RAPH1: variants seen among roughly 807,000 people sequenced by gnomAD.
RAPH1 encodes the protein ras-associated and pleckstrin homology domains-containing protein 1.
A neutral mutation model predicts 88.1 loss-of-function variants in RAPH1; 18 were observed. The observed-to-expected ratio is 0.20, with a 90% CI of 0.14 to 0.30. The LOEUF (loss-of-function observed/expected upper bound fraction) is 0.30. Among genes scored for constraint, RAPH1 ranks in the 10% least tolerant of loss-of-function variants. The probability of loss-of-function intolerance (pLI) is 1.00; values close to 1 mark genes in which losing one functional copy is unlikely to be tolerated. For synonymous variants in RAPH1, 587 were observed against 559.0 expected, an observed-to-expected ratio of 1.05 and a Z score of -0.71; for missense variants, 1,448 against 1,543.2, an observed-to-expected ratio of 0.94 and a Z score of 1.03.
At chr2:203,510,649 T>C (rs1689294921) in intron 1 of RAPH1, among the ~76,000 whole-genome samples, 1 of 152,070 alleles carries the variant, frequency 6.6e-6, no homozygotes, top group South Asian at 2.1e-4. Context: ...GGTAGTTAGA[T>C]ATAAACCAAT....
chr2:203,475,178 C>T (rs747972907), intron 4 of RAPH1, among the ~76,000 whole-genome samples: 13 of 152,096 alleles, frequency 8.5e-5, no homozygotes, highest in African/African-American at 3.1e-4. Flanking sequence ...GAGGCCGAGG[C>T]GGGAGGATCA....
At chr2:203,501,815 G>GAAAA (rs56269110) in intron 1 of RAPH1, among the ~76,000 whole-genome samples, 4 of 106,692 alleles carry the variant, frequency 3.7e-5, no homozygotes, top group African/African-American at 1.5e-4. Context: ...TAAGCATTAT[G>GAAAA]AAAAAAAAAA....
intron 4 of RAPH1, among the ~76,000 whole-genome samples, chr2:203,467,588 G>C (rs2098529597): frequency 6.6e-6 from 1 of 152,094 alleles, no homozygotes; most frequent in East Asian, 1.9e-4. Context: ...GACACAGCAA[G>C]ACTCTGTCTC....
chr2:203,433,987 C>CA lies in RAPH1; in HGVS notation c.*5449dup, dbSNP rs1464615880. 1 of 151,984 alleles carries CA rather than the reference C, an allele frequency of 6.6e-6. No individual in the cohort carries two copies. Among genetic ancestry groups the CA allele is most frequent in the Non-Finnish European group, 1.5e-5 (1 of 67,950 alleles). The allele number at this position is 151,984 out of a possible 1,614,324, so 9.4% of individuals were successfully genotyped here. Reference sequence around the variant, plus strand: ...TGGAAAATAACTTAATCCAGCAGAACAAAAACATCCTCAGAAAAACATCCT... The same window carrying CA: ...TGGAAAATAACTTAATCCAGCAGAACAAAAAACATCCTCAGAAAAACATCCT... On this transcript the variant is annotated 3_prime_UTR_variant, in exon 14 of 14. Transcript: ENST00000319170.
chr2:203,472,600 A>G lies in RAPH1; in HGVS notation c.733-10675T>C, dbSNP rs1443084353. Among the ~76,000 whole-genome samples, 22 of 152,356 alleles carry G rather than the reference A, an allele frequency of 1.4e-4. No homozygotes were observed. In the East Asian group the frequency reaches 4.2e-3, roughly 29 times the overall value. On this transcript the variant is annotated intron_variant, in intron 4 of 13. Coordinates refer to ENST00000319170, the MANE Select transcript of RAPH1 (RefSeq NM_213589.3). Reference sequence around the variant, plus strand: ...CATGTAACATGTATTTCAAGAAATTACTTTCTTGAAAACTTACTGTATTTA... The same window carrying G: ...CATGTAACATGTATTTCAAGAAATTGCTTTCTTGAAAACTTACTGTATTTA...
intron 4 of RAPH1, among the ~76,000 whole-genome samples, chr2:203,471,483 G>C (rs535473294): frequency 9.9e-5 from 15 of 152,164 alleles, no homozygotes; most frequent in African/African-American, 3.4e-4. Flanking sequence ...GTGCTGGCAG[G>C]AGCCTGTAAT....
chr2:203,509,965 G>A (rs1403559440), intron 1 of RAPH1, among the ~76,000 whole-genome samples: 1 of 152,060 alleles, frequency 6.6e-6, no homozygotes, highest in Non-Finnish European at 1.5e-5. Context: ...CAGAAGCAGA[G>A]CAGATGCCAG....
At chr2:203,528,979 CTATA>C (rs71408946) in intron 1 of RAPH1, among the ~76,000 whole-genome samples, 5,085 of 61,016 alleles carry the variant, frequency 0.083, 481 homozygotes, top group South Asian at 0.14. Flanking sequence ...GGTTGTTTTG[CTATA>C]TATATATATA....
intron 4 of RAPH1, among the ~76,000 whole-genome samples, chr2:203,473,206 A>G (rs1418089401): frequency 1.3e-5 from 2 of 152,206 alleles, no homozygotes; most frequent in East Asian, 3.9e-4. Context: ...GGACCACTTG[A>G]GCCCAGGAGC....
chr2:203,492,842 G>A (rs570599835), intron 2 of RAPH1, among the ~76,000 whole-genome samples: 3 of 151,492 alleles, frequency 2.0e-5, no homozygotes, highest in South Asian at 2.1e-4. Flanking sequence ...CTTTTTAAAG[G>A]GGTTGCTGAG....
At chr2:203,468,307 A>G (rs1009862116) in intron 4 of RAPH1, among the ~76,000 whole-genome samples, 3 of 152,122 alleles carry the variant, frequency 2.0e-5, no homozygotes, top group Non-Finnish European at 4.4e-5. Flanking sequence ...CCAAACCCCA[A>G]TCAAGACACT....
intron 4 of RAPH1, chr2:203,470,389 T>C: frequency 1.1e-6 from 1 of 879,932 alleles, no homozygotes; most frequent in Non-Finnish European, 1.8e-6. Flanking sequence ...GTTTAAAACA[T>C]AAAGTAGACA....
chr2:203,441,248 G>A lies in RAPH1; in HGVS notation c.1942C>T (p.Pro648Ser). Residue 648 changes from proline to serine, a missense_variant, in exon 14 of 14, where the codon CCA becomes TCA. Around this residue, in one of 2 missense-constraint regions of RAPH1, gnomAD observed 935 missense variants for 890.1 expected, o/e 1.05. Transcript: ENST00000319170. ...GAAGGTGCAGACTGGCTGGGGAGTG[G>A]GGGAGGAGGGGGTGGTGGAGGGGGT... ...PPPPPPPPPP[P>S]LPSQSAPSAG... 3 of 1,410,850 alleles carry A rather than the reference G, an allele frequency of 2.1e-6. No individual in the cohort carries two copies. Among genetic ancestry groups the A allele is most frequent in the Non-Finnish European group, 2.9e-6 (3 of 1,027,470 alleles). The allele number at this position is 1,410,850 out of a possible 1,614,324, so 87.4% of individuals were successfully genotyped here. A position where few individuals can be genotyped will look rare whatever the true frequency, so the allele number is the denominator to read the frequency against.
intron 7 of RAPH1, among the ~76,000 whole-genome samples, chr2:203,458,254 A>C (rs1053798227): frequency 6.6e-6 from 1 of 152,154 alleles, no homozygotes; most frequent in African/African-American, 2.4e-5. Flanking sequence ...CTGTAGTCCC[A>C]GCTATGCAGG....
At chr2:203,525,461 G>A (rs977704778) in intron 1 of RAPH1, among the ~76,000 whole-genome samples, 1 of 152,094 alleles carries the variant, frequency 6.6e-6, no homozygotes, top group East Asian at 1.9e-4. Context: ...GGGATTACAG[G>A]TGTGAGCCAC....
At chr2:203,483,320 C>T (rs1687812376) in intron 4 of RAPH1, among the ~76,000 whole-genome samples, 1 of 152,086 alleles carries the variant, frequency 6.6e-6, no homozygotes, top group Non-Finnish European at 1.5e-5. Flanking sequence ...GGCTTGGTGG[C>T]AGTGAAGGCG....
At position 203,438,480 on chromosome 2, in the gene RAPH1, G is replaced by A. The variant is rs1046280671; in HGVS notation, c.*957C>T. 5.8e-5 allele frequency: 15 copies of A among 257,792 alleles called. No homozygotes were observed. Among genetic ancestry groups the A allele is most frequent in the African/African-American group, 3.0e-4 (13 of 43,792 alleles). 16.0% of individuals were successfully genotyped at this position (257,792 alleles called of 1,614,324 possible). On this transcript the variant is annotated 3_prime_UTR_variant, in exon 14 of 14. Coordinates refer to ENST00000319170, the MANE Select transcript of RAPH1 (RefSeq NM_213589.3). ...CACCTACCTAAAGCACATATTTTAAGAAGGTAACTGGTGACCCAAAGACAT... is the reference window on the plus strand; with the variant it reads ...CACCTACCTAAAGCACATATTTTAAAAAGGTAACTGGTGACCCAAAGACAT...
rs750783858 is a variant in RAPH1, at chr2:203,488,588, T to TAAAAAAA, written c.732+989_732+995dup. On this transcript the variant is annotated intron_variant, in intron 4 of 13. Transcript: ENST00000319170. Reference sequence around the variant, plus strand: ...GGCGACAGAATGAGACTCCGTCTATTAAAAAAAAAAAAAAAAAAAAAAAAA... The same window carrying TAAAAAAA: ...GGCGACAGAATGAGACTCCGTCTATTAAAAAAAAAAAAAAAAAAAAAAAAAAAAAAAA... 1.3e-3 allele frequency among the ~76,000 whole-genome samples: 48 copies of TAAAAAAA among 36,660 alleles called. 2 individuals carry two copies. Among genetic ancestry groups the TAAAAAAA allele is most frequent in the Non-Finnish European group, 2.1e-3 (45 of 21,222 alleles). The allele number at this position is 36,660 out of a possible 152,430, so 24.1% of individuals were successfully genotyped here. A position where few individuals can be genotyped will look rare whatever the true frequency, so the allele number is the denominator to read the frequency against.
Position 203,440,217 on chromosome 2 carries a change from C to T in RAPH1, c.2973G>A (p.Glu991=), listed in dbSNP as rs1361647015. The part of the protein sequence containing the change: ...IKSSSGAEHP[E]PKRPSVDSLV... ...GACTGTCCACCGAGGGTCTCTTGGG[C>T]TCGGGGTGCTCTGCACCACTGCTGG... is the stretch of plus-strand genomic sequence containing the variant. The change falls in exon 14 of 14, where the codon GAG becomes GAA. Residue 991 remains glutamate (E), a synonymous_variant. Transcript: ENST00000319170. The T allele has an allele frequency of 1.9e-6, 3 of 1,613,816 alleles. No individual in the cohort carries two copies. Among genetic ancestry groups the T allele is most frequent in the Admixed American group, 1.7e-5 (1 of 59,996 alleles).
Sources: allele counts gnomAD v4.1 joint callset (sites outside exome capture counted in the v4.1 genomes callset), GRCh38; gene constraint gnomAD v4.1.1; regional missense constraint gnomAD v4.1.1; transcripts MANE v1.5; gene names NCBI Gene and HGNC (gene_info 2026-07-23, HGNC 2026-07-21).